STAC: variants seen among roughly 807,000 people sequenced by gnomAD.
STAC encodes SH3 and cysteine-rich domain-containing protein.
In STAC, 43 loss-of-function variants were observed where a neutral mutation model predicts 48.8. That is an observed-to-expected ratio of 0.88 (90% CI 0.69 to 1.14). The LOEUF (loss-of-function observed/expected upper bound fraction) is 1.14. Ranked by LOEUF, STAC falls within the 50% of genes most tolerant of loss-of-function variation. The pLI, the probability that STAC is intolerant of heterozygous loss-of-function variation, is 0.00. For synonymous variants in STAC, 193 were observed against 179.5 expected (o/e 1.07, Z -0.60); for missense variants, 497 against 504.0 (o/e 0.99, Z 0.13).
intron 10 of STAC, among the ~76,000 whole-genome samples, chr3:36,541,266 GAATCACT>G (rs1372492539): frequency 6.6e-6 from 1 of 152,124 alleles, no homozygotes. Flanking sequence ...AAACCACTAA[GAATCACT>G]AACAAGGAGG....
chr3:36,432,763 T>C (rs147363047), intron 1 of STAC, among the ~76,000 whole-genome samples: 3,532 of 152,240 alleles, frequency 0.023, 59 homozygotes, highest in Non-Finnish European at 0.026. Flanking sequence ...TTCTATGGAC[T>C]TCAGGCATCT....
At position 36,417,353 on chromosome 3, in the gene STAC, T is replaced by C. The variant is rs1194694483; in HGVS notation, c.112-26011T>C. On this transcript the variant is annotated intron_variant, in intron 1 of 10. Coordinates refer to ENST00000273183, the MANE Select transcript of STAC (RefSeq NM_003149.3). ...GAGCCTTCAACCTTCTTCCTGTCTATGTAGCACATCCAGGAATGGATTCAG... is the reference window on the plus strand; with the variant it reads ...GAGCCTTCAACCTTCTTCCTGTCTACGTAGCACATCCAGGAATGGATTCAG... Among the ~76,000 whole-genome samples the C allele has an allele frequency of 2.0e-5, 3 of 152,180 alleles. No individual in the cohort carries two copies. In the East Asian group the frequency reaches 5.8e-4, roughly 29 times the overall value.
intron 10 of STAC, 39 bp from the exon 11 acceptor site, chr3:36,546,152 C>G: frequency 1.3e-6 from 2 of 1,564,128 alleles, no homozygotes; most frequent in Non-Finnish European, 1.8e-6. Context: ...TTCTTGCTGA[C>G]AGTAAAGTAT....
intron 10 of STAC, among the ~76,000 whole-genome samples, chr3:36,536,555 G>T (rs1699202845): frequency 6.6e-6 from 1 of 152,160 alleles, no homozygotes; most frequent in South Asian, 2.1e-4. Context: ...GCAGAAGATT[G>T]AAGATGGACC....
At chr3:36,394,221 A>G (rs1699808882) in intron 1 of STAC, among the ~76,000 whole-genome samples, 2 of 152,204 alleles carry the variant, frequency 1.3e-5, no homozygotes, top group African/African-American at 4.8e-5. Flanking sequence ...TGAAATTTAA[A>G]AATCAGTTCC....
intron 1 of STAC, among the ~76,000 whole-genome samples, chr3:36,408,559 T>C (rs1030408468): frequency 1.3e-5 from 2 of 152,326 alleles, no homozygotes; most frequent in Middle Eastern, 3.4e-3. Flanking sequence ...GTTGTTACAA[T>C]TCTGGCCGAT....
chr3:36,468,544 G>T (rs1288225065), intron 2 of STAC, among the ~76,000 whole-genome samples: 1 of 150,744 alleles, frequency 6.6e-6, no homozygotes, highest in South Asian at 2.1e-4. Flanking sequence ...CATTTATTAG[G>T]TCTAGTAGTA....
chr3:36,415,446 T>C (rs1176896029), intron 1 of STAC, among the ~76,000 whole-genome samples: 2 of 152,198 alleles, frequency 1.3e-5, no homozygotes, highest in African/African-American at 2.4e-5. Context: ...CAAGGCTCCG[T>C]GGGCGTGGGA....
At chr3:36,400,940 A>G (rs1699988772) in intron 1 of STAC, among the ~76,000 whole-genome samples, 1 of 152,218 alleles carries the variant, frequency 6.6e-6, no homozygotes, top group South Asian at 2.1e-4. Context: ...TCATGTAGCA[A>G]GGAGGAAAGT....
intron 5 of STAC, among the ~76,000 whole-genome samples, chr3:36,488,939 C>T (rs1204775389): frequency 6.6e-6 from 1 of 152,054 alleles, no homozygotes; most frequent in Non-Finnish European, 1.5e-5. Context: ...TGAGTCCTGC[C>T]ATTACCCTAA....
intron 8 of STAC, among the ~76,000 whole-genome samples, chr3:36,524,865 G>C (rs1025148005): frequency 6.6e-6 from 1 of 152,062 alleles, no homozygotes; most frequent in East Asian, 1.9e-4. Context: ...GGCTACCCTC[G>C]AGCAAGATCC....
At chr3:36,488,689 G>A (rs946151456) in intron 5 of STAC, among the ~76,000 whole-genome samples, 3 of 152,084 alleles carry the variant, frequency 2.0e-5, no homozygotes, top group Non-Finnish European at 4.4e-5. Flanking sequence ...ATTCAAAACT[G>A]AGAAATAATA....
At chr3:36,463,475 A>ATTTTAATTTT (rs1304155783) in intron 2 of STAC, among the ~76,000 whole-genome samples, 1 of 149,746 alleles carries the variant, frequency 6.7e-6, no homozygotes, top group Non-Finnish European at 1.5e-5. Flanking sequence ...AAAATCTCTC[A>ATTTTAATTTT]TTTTAATTTT....
intron 8 of STAC, among the ~76,000 whole-genome samples, chr3:36,508,784 T>A (rs144657763): frequency 0.047 from 7,115 of 152,262 alleles, 246 homozygotes; most frequent in Non-Finnish European, 0.068. Context: ...TATTCCTGCA[T>A]CCCTTTATTT....
intron 1 of STAC, among the ~76,000 whole-genome samples, chr3:36,436,297 C>T (rs1214090435): frequency 6.6e-6 from 1 of 152,214 alleles, no homozygotes; most frequent in East Asian, 1.9e-4. Flanking sequence ...CTGTTTCCAT[C>T]TTGCCTTCCT....
chr3:36,538,325 C>T lies in STAC; in HGVS notation c.1111-7866C>T, dbSNP rs1014594340. Among the ~76,000 whole-genome samples, 6 of 152,166 alleles carry T rather than the reference C, an allele frequency of 3.9e-5. 1 individual carries two copies. Among genetic ancestry groups the T allele is most frequent in the Non-Finnish European group, 7.3e-5 (5 of 68,032 alleles). ...ACTGCAACAGAGACCAGATGGCCTG[C>T]AAAGCCTACAATATTTAGCATTTGG... On this transcript the variant is annotated intron_variant, in intron 10 of 10. Coordinates refer to ENST00000273183, the MANE Select transcript of STAC (RefSeq NM_003149.3).
At chr3:36,384,064 T>C (rs1205323283) in intron 1 of STAC, among the ~76,000 whole-genome samples, 2 of 152,204 alleles carry the variant, frequency 1.3e-5, no homozygotes, top group African/African-American at 4.8e-5. Flanking sequence ...CCTTCTATCT[T>C]CCCACTAACT....
intron 1 of STAC, among the ~76,000 whole-genome samples, chr3:36,387,549 A>AC (rs1156945090): frequency 4.0e-4 from 61 of 152,136 alleles, no homozygotes; most frequent in African/African-American, 1.5e-3. Context: ...TATGAATTTG[A>AC]CTATTCCGGG....
intron 1 of STAC, among the ~76,000 whole-genome samples, chr3:36,389,577 A>G (rs1396695405): frequency 6.6e-6 from 1 of 152,212 alleles, no homozygotes; most frequent in Non-Finnish European, 1.5e-5. Flanking sequence ...TACCATTTTT[A>G]TATTTTTTAA....
Sources: gnomAD v4.1 joint callset for allele counts (sites outside exome capture counted in the v4.1 genomes callset) on GRCh38, gnomAD v4.1.1 for gene constraint, MANE v1.5 for transcripts, NCBI Gene and HGNC (gene_info 2026-07-23, HGNC 2026-07-21) for gene names.